The following NME7 variants were observed in gnomAD, a reference collection of about 807,000 sequenced individuals.
The protein encoded by NME7 is nucleoside diphosphate kinase 7.
Under a neutral mutation model 49.1 loss-of-function variants are expected in NME7, and 41 were observed. That is an observed-to-expected ratio of 0.83 (90% CI 0.65 to 1.08). NME7 has a LOEUF of 1.08. Ranked by LOEUF, NME7 falls within the 50% of genes least tolerant of loss-of-function variation. The pLI is 0.00. For synonymous variants in NME7, 139 were observed against 150.6 expected, an observed-to-expected ratio of 0.92 and a Z score of 0.56; for missense variants, 423 against 463.4, an observed-to-expected ratio of 0.91 and a Z score of 0.80.
chr1:169,315,273 C>CT (rs201804740), intron 3 of NME7, among the ~76,000 whole-genome samples: 11,567 of 135,802 alleles, frequency 0.085, 635 homozygotes, highest in Admixed American at 0.19. Flanking sequence ...TTTTTTTTTT[C>CT]TTTTTTTTTG....
intron 10 of NME7, among the ~76,000 whole-genome samples, chr1:169,214,453 T>A (rs755683037): frequency 3.9e-5 from 6 of 152,166 alleles, no homozygotes; most frequent in Non-Finnish European, 7.4e-5. Flanking sequence ...ATTTTTGCCA[T>A]TTCAAAAAAT....
intron 11 of NME7, among the ~76,000 whole-genome samples, chr1:169,159,426 A>G (rs958581): frequency 0.38 from 57,919 of 151,958 alleles, 11,510 homozygotes; most frequent in East Asian, 0.73. Flanking sequence ...GATGATTTTA[A>G]GGTCTCTATT....
At position 169,349,727 on chromosome 1, in the gene NME7, T is replaced by C. The variant is rs538938835; in HGVS notation, c.3+17981A>G. On this transcript the variant is annotated intron_variant, in intron 1 of 11. Transcript: ENST00000367811. Reference sequence around the variant, plus strand: ...TCATTTTATCAAGCTCCTTACAAATTTTCCAAAATTAAGTCCCTTTTTAGC... The same window carrying C: ...TCATTTTATCAAGCTCCTTACAAATCTTCCAAAATTAAGTCCCTTTTTAGC... Among the ~76,000 whole-genome samples, 25 of 152,270 alleles carry C rather than the reference T, an allele frequency of 1.6e-4. No individual in the cohort carries two copies. In the South Asian group the frequency reaches 2.7e-3, roughly 16 times the overall value.
At chr1:169,309,650 A>G (rs967729531) in intron 4 of NME7, among the ~76,000 whole-genome samples, 21 of 152,090 alleles carry the variant, frequency 1.4e-4, no homozygotes, top group Admixed American at 1.3e-3. Flanking sequence ...TCACTAGTTG[A>G]GAAGTTGATT....
In NME7 at chr1:169,323,140, G is replaced by C; in HGVS notation, c.255C>G (p.Arg85=). 3.8e-6 allele frequency: 6 copies of C among 1,578,790 alleles called. No individual in the cohort carries two copies. Among genetic ancestry groups the C allele is most frequent in the Non-Finnish European group, 5.1e-6 (6 of 1,165,592 alleles). The change falls in exon 3 of 12, where the codon CGC becomes CGG. Residue 85 remains arginine (R), a synonymous_variant. Transcript: ENST00000367811. ...LIDYGDQYTA[R]QLGSRKEKTL... is the part of the protein sequence containing the mutation. ...ACTTTTCTTTCCTACTGCCCAGCTG[G>C]CGAGCTGTATATTGATCCCCATAGT...
intron 11 of NME7, among the ~76,000 whole-genome samples, chr1:169,141,753 CCTTTTTTT>C: frequency 6.6e-6 from 1 of 151,904 alleles, no homozygotes; most frequent in African/African-American, 2.4e-5. Context: ...AGATGGAATG[CCTTTTTTT>C]TTATAAGGAC....
intron 7 of NME7, among the ~76,000 whole-genome samples, chr1:169,280,772 T>C (rs534303829): frequency 6.8e-6 from 1 of 147,570 alleles, no homozygotes; most frequent in African/African-American, 2.5e-5. Context: ...TGTAGCTGTG[T>C]GGTGTTATTT....
intron 7 of NME7, among the ~76,000 whole-genome samples, chr1:169,246,013 A>G (rs1204939429): frequency 6.6e-6 from 1 of 152,210 alleles, no homozygotes; most frequent in Admixed American, 6.5e-5. Context: ...GGTTTAAGCT[A>G]CAAATGTCTA....
At chr1:169,164,336 C>T (rs1196827734) in intron 11 of NME7, among the ~76,000 whole-genome samples, 1 of 152,032 alleles carries the variant, frequency 6.6e-6, no homozygotes, top group Non-Finnish European at 1.5e-5. Flanking sequence ...CTTTTATATG[C>T]CAGGCAAGAA....
intron 9 of NME7, among the ~76,000 whole-genome samples, chr1:169,232,371 A>T (rs1647663170): frequency 6.6e-6 from 1 of 152,120 alleles, no homozygotes. Context: ...AGAGAAGAAA[A>T]GGTGATAAAC....
intron 9 of NME7, among the ~76,000 whole-genome samples, chr1:169,233,480 A>G (rs1389449495): frequency 6.6e-6 from 1 of 152,208 alleles, no homozygotes; most frequent in Non-Finnish European, 1.5e-5. Context: ...CAGACCATGC[A>G]GGGTCATGTA....
intron 7 of NME7, among the ~76,000 whole-genome samples, chr1:169,279,688 C>T (rs1188609818): frequency 1.3e-5 from 2 of 152,242 alleles, no homozygotes; most frequent in African/African-American, 2.4e-5. Context: ...TGATGCGCTG[C>T]ACCCACTGTC....
chr1:169,242,677 A>G (rs1648141864), intron 7 of NME7, among the ~76,000 whole-genome samples: 1 of 137,914 alleles, frequency 7.3e-6, no homozygotes, highest in Non-Finnish European at 1.7e-5. Flanking sequence ...AGAAAATCCC[A>G]AATAGCCTAA....
intron 4 of NME7, among the ~76,000 whole-genome samples, chr1:169,303,995 G>C (rs892718781): frequency 6.6e-6 from 1 of 152,008 alleles, no homozygotes; most frequent in Non-Finnish European, 1.5e-5. Context: ...GACTACAGTC[G>C]TGTTTTTAAA....
intron 10 of NME7, among the ~76,000 whole-genome samples, chr1:169,176,874 A>C (rs944839303): frequency 2.0e-5 from 3 of 152,164 alleles, no homozygotes; most frequent in Non-Finnish European, 2.9e-5. Flanking sequence ...TACAACTAAA[A>C]TTTAAGAACA....
At chr1:169,246,522 T>G (rs956628242) in intron 7 of NME7, among the ~76,000 whole-genome samples, 1 of 152,162 alleles carries the variant, frequency 6.6e-6, no homozygotes, top group Non-Finnish European at 1.5e-5. Flanking sequence ...AATCTGAAAT[T>G]CACATTTTTC....
intron 3 of NME7, among the ~76,000 whole-genome samples, chr1:169,319,687 C>T (rs1479934422): frequency 1.3e-5 from 2 of 152,120 alleles, no homozygotes; most frequent in Non-Finnish European, 2.9e-5. Flanking sequence ...CAGTTGACTT[C>T]ATAATTTTTC....
chr1:169,307,087 AC>A (rs1477868986), intron 4 of NME7, among the ~76,000 whole-genome samples: 1 of 152,210 alleles, frequency 6.6e-6, no homozygotes, highest in East Asian at 1.9e-4. Context: ...GGATGGTAAA[AC>A]AACTAAATAA....
chr1:169,155,397 T>G (rs920660404), intron 11 of NME7, among the ~76,000 whole-genome samples: 13 of 152,214 alleles, frequency 8.5e-5, no homozygotes, highest in African/African-American at 3.1e-4. Context: ...ATTTTCTCAC[T>G]GACGTTGTTT....
Sources: allele counts gnomAD v4.1 joint callset (sites outside exome capture counted in the v4.1 genomes callset), GRCh38; gene constraint gnomAD v4.1.1; transcripts MANE v1.5; gene names NCBI Gene and HGNC (gene_info 2026-07-23, HGNC 2026-07-21).